The following AADAT variants were observed in gnomAD, a reference collection of about 807,000 sequenced individuals.
The protein encoded by AADAT is kynurenine/alpha-aminoadipate aminotransferase, mitochondrial.
AADAT carries 25 observed loss-of-function variants against 56.2 expected under a neutral mutation model. That is an observed-to-expected ratio of 0.44 (90% CI 0.32 to 0.62). AADAT has a LOEUF of 0.62. Among genes scored for constraint, AADAT ranks in the 20% least tolerant of loss-of-function variants. AADAT has a pLI of 0.04. For missense variants in AADAT, 387 were observed against 510.5 expected (o/e 0.76, Z 2.33); for synonymous variants, 173 against 164.7 (o/e 1.05, Z -0.39).
Position 170,069,178 on chromosome 4 carries a change from G to A in AADAT, c.773C>T (p.Ala258Val). The stretch of plus-strand genomic sequence containing the variant: ...GGAAATGATTTTTGAAAAAGAGTCA[G>A]CTCTGATGACACGTCCATCAACATC... ...SMDVDGRVIR[A>V]DSFSKIISSG... The change falls in exon 7 of 13, where the codon GCT becomes GTT. Residue 258 changes from alanine to valine, a missense_variant. Transcript: ENST00000337664. 6.2e-7 allele frequency: 1 copy of A among 1,613,928 alleles called. No homozygotes were observed. Among genetic ancestry groups the A allele is most frequent in the Non-Finnish European group, 8.5e-7 (1 of 1,179,924 alleles).
chr4:170,084,954 C>T (rs545841948), intron 3 of AADAT, among the ~76,000 whole-genome samples: 17 of 152,158 alleles, frequency 1.1e-4, no homozygotes, highest in Non-Finnish European at 2.1e-4. Flanking sequence ...CTCTGCCTCC[C>T]GTGAGACAGC....
rs1388012625 is a variant in AADAT, at chr4:170,061,897, C to T, written c.1231G>A (p.Asp411Asn). The change falls in exon 12 of 13, where the codon GAT becomes AAT. Residue 411 changes from aspartate to asparagine, a missense_variant. Transcript: ENST00000337664. ...SFSSASPEQM[D>N]VAFQVLAQLI... is the part of the protein sequence containing the mutation. ...GAGGAGAATACTACACTCACCACATCCATCTGTTCTGGAGAAGCTGAAGAG... is the reference window on the plus strand; with the variant it reads ...GAGGAGAATACTACACTCACCACATTCATCTGTTCTGGAGAAGCTGAAGAG... The T allele has an allele frequency of 6.2e-7, 1 of 1,611,118 alleles. No individual in the cohort carries two copies. The highest frequency in any genetic ancestry group is 8.5e-7 in the Non-Finnish European group (1 of 1,177,854).
chr4:170,076,503 C>T (rs967928013), intron 4 of AADAT, among the ~76,000 whole-genome samples: 1 of 152,038 alleles, frequency 6.6e-6, no homozygotes. Flanking sequence ...GCTTATTGGC[C>T]TTCTGCACAT....
chr4:170,071,294 C>T (rs959461852), intron 5 of AADAT, among the ~76,000 whole-genome samples: 2 of 152,162 alleles, frequency 1.3e-5, no homozygotes, highest in African/African-American at 4.8e-5. Flanking sequence ...CAGGTTCAAT[C>T]ACTGAGAAGG....
chr4:170,073,686 C>T (rs922906312), intron 4 of AADAT, among the ~76,000 whole-genome samples: 1 of 151,648 alleles, frequency 6.6e-6, no homozygotes, highest in Non-Finnish European at 1.5e-5. Flanking sequence ...TTTTTAGTAG[C>T]GATGGGGTTT....
chr4:170,063,548 G>C (rs1246006668), intron 11 of AADAT, among the ~76,000 whole-genome samples: 1 of 152,218 alleles, frequency 6.6e-6, no homozygotes, highest in Non-Finnish European at 1.5e-5. Flanking sequence ...CCTACTATGT[G>C]CTGTGATTAG....
chr4:170,093,632 T>A (rs577754779), upstream of AADAT, among the ~76,000 whole-genome samples: 2 of 152,148 alleles, frequency 1.3e-5, no homozygotes, highest in Non-Finnish European at 2.9e-5. Context: ...TCTCACTTTG[T>A]TATCCAGGCT....
At chr4:170,091,544 C>G (rs1376496271), upstream of AADAT, 1 of 153,822 alleles carries the variant, frequency 6.5e-6, no homozygotes, top group African/African-American at 2.4e-5. Flanking sequence ...GCTGCCCGAG[C>G]CTCCCTGACG....
intron 9 of AADAT, among the ~76,000 whole-genome samples, chr4:170,067,074 C>A (rs1731503293): frequency 6.6e-6 from 1 of 152,098 alleles, no homozygotes; most frequent in African/African-American, 2.4e-5. Flanking sequence ...TAAATCTTAA[C>A]CTGGTGGGAA....
chr4:170,092,730 A>T (rs531816416), upstream of AADAT, among the ~76,000 whole-genome samples: 19 of 152,382 alleles, frequency 1.2e-4, no homozygotes, highest in Non-Finnish European at 2.4e-4. Context: ...TCTCGCAGGC[A>T]TGTTGACAGG....
rs555276369 is a variant in AADAT at position 170,065,060 on chromosome 4, G to A, written c.1028-235C>T. ...AAGAAGGGAGGGGTAGGGTGGGCAA[G>A]TGAATAGCTCGCGTGTGCGTATTTA... On this transcript the variant is annotated intron_variant, in intron 10 of 12. Coordinates refer to ENST00000337664, the MANE Select transcript of AADAT (RefSeq NM_016228.4). 2.0e-5 allele frequency among the ~76,000 whole-genome samples: 3 copies of A among 152,314 alleles called. No individual in the cohort carries two copies. In the East Asian group the frequency reaches 5.8e-4, roughly 29 times the overall value.
intron 4 of AADAT, among the ~76,000 whole-genome samples, chr4:170,077,059 A>G (rs1732073458): frequency 6.6e-6 from 1 of 152,180 alleles, no homozygotes; most frequent in African/African-American, 2.4e-5. Context: ...CTATTGGTCT[A>G]TATGATTGTC....
intron 2 of AADAT, 83 bp from the exon 3 acceptor site, chr4:170,087,331 T>C (rs1473637098): frequency 1.0e-5 from 14 of 1,334,950 alleles, no homozygotes; most frequent in Non-Finnish European, 1.4e-5. Context: ...AATGACAGCT[T>C]TATCAAGCAC....
chr4:170,061,052 A>G (rs1484703014), intron 12 of AADAT, 83 bp from the exon 13 acceptor site: 1 of 1,028,526 alleles, frequency 9.7e-7, no homozygotes, highest in Non-Finnish European at 1.4e-6. Flanking sequence ...AAATCCAAAC[A>G]AAGAGTATCT....
chr4:170,067,188 C>T (rs1731509015), intron 9 of AADAT, 139 bp downstream of exon 9: 1 of 588,608 alleles, frequency 1.7e-6, no homozygotes, highest in Middle Eastern at 4.3e-4. Flanking sequence ...AGACTTTTGA[C>T]TTATAATAGA....
chr4:170,092,783 C>A (rs1405936216), upstream of AADAT, among the ~76,000 whole-genome samples: 3 of 152,220 alleles, frequency 2.0e-5, no homozygotes, highest in Non-Finnish European at 2.9e-5. Context: ...GTGCAGTGGT[C>A]TGCACGTTGT....
At chr4:170,089,514 ACAGGGGTACGCATGGATG>A in intron 1 of AADAT, 92 bp downstream of exon 1, 1 of 1,196,492 alleles carries the variant, frequency 8.4e-7, no homozygotes, top group South Asian at 1.3e-5. Context: ...GCGAGCGTGC[ACAGGGGTACGCATGGATG>A]CAACCAAGCG....
chr4:170,085,064 T>C (rs11731442), intron 3 of AADAT, among the ~76,000 whole-genome samples: 14,747 of 152,260 alleles, frequency 0.097, 795 homozygotes, highest in African/African-American at 0.12. Flanking sequence ...ATGGTAAATA[T>C]ATTTTCTCTT....
Position 170,089,840 on chromosome 4 carries a change from G to C in AADAT, c.-150C>G. 1.3e-6 allele frequency: 1 copy of C among 758,690 alleles called. No individual in the cohort carries two copies. The highest frequency in any genetic ancestry group is 1.7e-5 in the South Asian group (1 of 59,824). 47.0% of individuals were successfully genotyped at this position (758,690 alleles called of 1,614,324 possible). On this transcript the variant is annotated 5_prime_UTR_variant, in exon 1 of 13. Transcript: ENST00000337664. ...CCGCTGCGTCTGGCTTCCCGCGCGCGGTGCCCGGAGAACGCCGCCGAAACT... is the reference window on the plus strand; with the variant it reads ...CCGCTGCGTCTGGCTTCCCGCGCGCCGTGCCCGGAGAACGCCGCCGAAACT...
Sources: allele counts gnomAD v4.1 joint callset (sites outside exome capture counted in the v4.1 genomes callset), GRCh38; gene constraint gnomAD v4.1.1; transcripts MANE v1.5; gene names NCBI Gene and HGNC (gene_info 2026-07-23, HGNC 2026-07-21).